The following ZNF423 variants were observed in gnomAD, a reference collection of about 807,000 sequenced individuals.
ZNF423 encodes the protein Ebf-associated zinc finger protein.
Under a neutral mutation model 95.8 loss-of-function variants are expected in ZNF423, and 12 were observed. That is an observed-to-expected ratio of 0.13 (90% CI 0.08 to 0.20). The LOEUF is 0.20. Ranked by LOEUF, ZNF423 falls within the 10% of genes least tolerant of loss-of-function variation. ZNF423 has a pLI of 1.00. For synonymous variants in ZNF423, 749 were observed against 711.9 expected, an observed-to-expected ratio of 1.05 and a Z score of -0.83; for missense variants, 1,316 against 1,737.1, an observed-to-expected ratio of 0.76 and a Z score of 4.31.
intron 3 of ZNF423, among the ~76,000 whole-genome samples, chr16:49,724,859 A>G (rs2032965707): frequency 6.6e-6 from 1 of 152,206 alleles, no homozygotes; most frequent in African/African-American, 2.4e-5. Flanking sequence ...GGGGAGCCGC[A>G]AAATTAACCC....
intron 5 of ZNF423, among the ~76,000 whole-genome samples, chr16:49,587,914 C>A (rs1372199217): frequency 6.6e-6 from 1 of 152,168 alleles, no homozygotes; most frequent in Non-Finnish European, 1.5e-5. Flanking sequence ...ACTGACCACC[C>A]CCTATCTTCA....
intron 3 of ZNF423, among the ~76,000 whole-genome samples, chr16:49,718,610 G>A (rs1192845758): frequency 6.6e-6 from 1 of 152,146 alleles, no homozygotes; most frequent in African/African-American, 2.4e-5. Context: ...CCAGAAACTG[G>A]ATGGCTTCTA....
chr16:49,597,657 T>C (rs1971226882), intron 5 of ZNF423, among the ~76,000 whole-genome samples: 1 of 152,120 alleles, frequency 6.6e-6, no homozygotes, highest in African/African-American at 2.4e-5. Context: ...TGTCCATGCA[T>C]GTCGGTGCCG....
rs534681710 is a variant in ZNF423 at position 49,744,867 on chromosome 16, C to T, written c.101-13896G>A. On this transcript the variant is annotated intron_variant, in intron 2 of 7. Coordinates refer to ENST00000563137, the MANE Select transcript of ZNF423 (RefSeq NM_001379286.1). ...CTCCTCCTCAAACCATCACTTAACT[C>T]GGATTTCAAACTGCTGGCGATGTTC... 9.2e-5 allele frequency among the ~76,000 whole-genome samples: 14 copies of T among 152,326 alleles called. No homozygotes were observed. The East Asian group carries it at 2.7e-3, about 29-fold the overall frequency.
At position 49,490,220 on chromosome 16, in the gene ZNF423, T is replaced by C. The variant is rs1966906481; in HGVS notation, c.*1055A>G. ...GCAAGGGAAGGGCTACCCACTTGCC[T>C]GCCTGTATCCAACAAAGGGGAAAGC... is the stretch of plus-strand genomic sequence containing the variant. On this transcript the variant is annotated 3_prime_UTR_variant, in exon 8 of 8. Coordinates refer to ENST00000563137, the MANE Select transcript of ZNF423 (RefSeq NM_001379286.1). 6.6e-6 allele frequency: 1 copy of C among 152,392 alleles called. No homozygotes were observed. The highest frequency in any genetic ancestry group is 1.5e-5 in the Non-Finnish European group (1 of 68,070). 9.4% of individuals were successfully genotyped at this position (152,392 alleles called of 1,614,324 possible). A position where few individuals can be genotyped will look rare whatever the true frequency, so the allele number is the denominator to read the frequency against.
At chr16:49,856,422 C>A (rs2035371076), upstream of ZNF423, among the ~76,000 whole-genome samples, 1 of 114,418 alleles carries the variant, frequency 8.7e-6, no homozygotes, top group African/African-American at 3.8e-5. Context: ...CTCAGTACCC[C>A]CCAGGAAAAA....
At chr16:49,600,288 C>T (rs1254744144) in intron 5 of ZNF423, among the ~76,000 whole-genome samples, 1 of 151,820 alleles carries the variant, frequency 6.6e-6, no homozygotes, top group Non-Finnish European at 1.5e-5. Flanking sequence ...CCACAGCACT[C>T]CAGCCTGGGC....
intron 1 of ZNF423, among the ~76,000 whole-genome samples, chr16:49,797,886 A>C (rs571324621): frequency 7.8e-4 from 119 of 151,946 alleles, no homozygotes; most frequent in African/African-American, 2.8e-3. Flanking sequence ...GCATCTCACC[A>C]AAAGGAGGCT....
chr16:49,856,777 C>T (rs1484193812), upstream of ZNF423, among the ~76,000 whole-genome samples: 3 of 147,936 alleles, frequency 2.0e-5, no homozygotes, highest in Non-Finnish European at 3.0e-5. Flanking sequence ...TGCCTGCCCT[C>T]GGGCTGCGGT....
At chr16:49,504,321 C>CTTGGGAGGCCAGCACT (rs1967546462) in intron 7 of ZNF423, among the ~76,000 whole-genome samples, 2 of 152,006 alleles carry the variant, frequency 1.3e-5, no homozygotes, top group African/African-American at 2.4e-5. Context: ...ATCCCAGCAC[C>CTTGGGAGGCCAGCACT]TTGGGAGGCC....
chr16:49,528,223 T>C (rs1968692826), intron 5 of ZNF423, among the ~76,000 whole-genome samples: 1 of 151,978 alleles, frequency 6.6e-6, no homozygotes, highest in African/African-American at 2.4e-5. Flanking sequence ...CTGCAACTTA[T>C]AAATCAGAGA....
At chr16:49,494,717 C>A (rs932811063) in intron 7 of ZNF423, among the ~76,000 whole-genome samples, 1 of 152,172 alleles carries the variant, frequency 6.6e-6, no homozygotes, top group African/African-American at 2.4e-5. Flanking sequence ...TGGTGGGACC[C>A]CTGTCCCCAA....
intron 3 of ZNF423, 47 bp downstream of exon 3, chr16:49,730,724 T>C: frequency 6.3e-7 from 1 of 1,597,972 alleles, no homozygotes; most frequent in Non-Finnish European, 8.6e-7. Flanking sequence ...CTATGTCCAA[T>C]TACCCGTGTA....
chr16:49,675,520 A>T (rs1567282651), intron 3 of ZNF423, among the ~76,000 whole-genome samples: 1 of 150,930 alleles, frequency 6.6e-6, no homozygotes, highest in Non-Finnish European at 1.5e-5. Context: ...TAAAACTCAG[A>T]CTCCGGGCTG....
intron 3 of ZNF423, among the ~76,000 whole-genome samples, chr16:49,643,297 T>G (rs994610176): frequency 2.0e-5 from 3 of 152,188 alleles, no homozygotes; most frequent in African/African-American, 7.2e-5. Context: ...ATTTTTATTT[T>G]CAAGTAAATA....
chr16:49,525,168 G>A (rs549636026), intron 6 of ZNF423, among the ~76,000 whole-genome samples, 195 bp downstream of exon 6: 1 of 152,174 alleles, frequency 6.6e-6, no homozygotes, highest in Non-Finnish European at 1.5e-5. Flanking sequence ...CACTGAAGGA[G>A]GGCGCGTGTC....
intron 3 of ZNF423, chr16:49,664,350 TGGGGAAGAAAA>T: frequency 1.1e-6 from 1 of 949,094 alleles, no homozygotes; most frequent in Non-Finnish European, 1.3e-6. Flanking sequence ...GGAAGGGCCT[TGGGGAAGAAAA>T]GGGGCTGGGA....
intron 3 of ZNF423, among the ~76,000 whole-genome samples, chr16:49,721,236 T>C (rs141540228): frequency 9.4e-4 from 143 of 152,280 alleles, no homozygotes; most frequent in African/African-American, 3.2e-3. Flanking sequence ...GCACATTAAC[T>C]GAGGACCAAC....
intron 7 of ZNF423, among the ~76,000 whole-genome samples, chr16:49,522,240 TCCCTGCCTCACC>T (rs1968430903): frequency 6.6e-6 from 1 of 152,156 alleles, no homozygotes; most frequent in Non-Finnish European, 1.5e-5. Flanking sequence ...AGGGTGGAAT[TCCCTGCCTCACC>T]CGCTTTGAGG....
Sources: gnomAD v4.1 joint callset for allele counts (sites outside exome capture counted in the v4.1 genomes callset) on GRCh38, gnomAD v4.1.1 for gene constraint, MANE v1.5 for transcripts, NCBI Gene and HGNC (gene_info 2026-07-23, HGNC 2026-07-21) for gene names.